Variants in PRELID2 observed in about 807,000 individuals in gnomAD.
The protein encoded by PRELID2 is PRELI domain-containing protein 2.
In PRELID2, 25 loss-of-function variants were observed where a neutral mutation model predicts 28.4. The observed-to-expected ratio is 0.88, with a 90% confidence interval of 0.64 to 1.23. PRELID2 has a LOEUF of 1.23. PRELID2 is among the 50% of genes most tolerant of loss of function. PRELID2 has a pLI of 0.00. For synonymous variants in PRELID2, 76 were observed against 71.6 expected (o/e 1.06, Z -0.31); for missense variants, 201 against 214.4 (o/e 0.94, Z 0.39).
chr5:145,318,630 A>C, the PRELID2 span, among the ~76,000 whole-genome samples: 1 of 152,030 alleles, frequency 6.6e-6, no homozygotes, highest in Non-Finnish European at 1.5e-5. Context: ...CCCTTACAGG[A>C]GGGGGAGCAT....
At chr5:145,615,130 T>C (rs535566709) in intron 1 of PRELID2, among the ~76,000 whole-genome samples, 6 of 152,304 alleles carry the variant, frequency 3.9e-5, no homozygotes, top group African/African-American at 1.4e-4. Context: ...TATTTTTCTG[T>C]TGAACAAGGC....
chr5:145,736,854 A>C (rs1189539785), intron 1 of PRELID2, among the ~76,000 whole-genome samples: 1 of 152,200 alleles, frequency 6.6e-6, no homozygotes, highest in Non-Finnish European at 1.5e-5. Context: ...CATTCCTAGT[A>C]ATCAAATAAG....
At chr5:145,410,896 A>G in the PRELID2 span, among the ~76,000 whole-genome samples, 1 of 152,116 alleles carries the variant, frequency 6.6e-6, no homozygotes, top group Non-Finnish European at 1.5e-5. Context: ...GTCTCATCTG[A>G]GTCAAAGCAA....
chr5:145,774,102 A>G (rs1279571509), intron 5 of PRELID2, among the ~76,000 whole-genome samples: 1 of 152,200 alleles, frequency 6.6e-6, no homozygotes, highest in East Asian at 1.9e-4. Flanking sequence ...CCAAACCTCA[A>G]TATTGAATCT....
At chr5:145,495,818 G>A (rs1453306323) in intron 1 of PRELID2, among the ~76,000 whole-genome samples, 2 of 152,122 alleles carry the variant, frequency 1.3e-5, no homozygotes, top group African/African-American at 2.4e-5. Context: ...AAGGTAGTAC[G>A]TGTTCTTTAA....
At chr5:145,684,617 T>C (rs568902107) in intron 1 of PRELID2, among the ~76,000 whole-genome samples, 1 of 152,342 alleles carries the variant, frequency 6.6e-6, no homozygotes, top group African/African-American at 2.4e-5. Flanking sequence ...GGTTCAGAGA[T>C]GTTTAGTGAC....
the PRELID2 span, among the ~76,000 whole-genome samples, chr5:145,358,068 G>T: frequency 6.6e-6 from 1 of 152,082 alleles, no homozygotes; most frequent in Non-Finnish European, 1.5e-5. Flanking sequence ...CTTTTGTTGG[G>T]TGTTCTGGTT....
chr5:145,628,055 G>A (rs1753876225), intron 1 of PRELID2, among the ~76,000 whole-genome samples: 1 of 152,102 alleles, frequency 6.6e-6, no homozygotes, highest in African/African-American at 2.4e-5. Flanking sequence ...TCCTTTTGAA[G>A]AATTTTGGGA....
chr5:145,469,409 C>A (rs533970329), downstream of PRELID2, among the ~76,000 whole-genome samples: 4 of 152,074 alleles, frequency 2.6e-5, no homozygotes, highest in South Asian at 8.3e-4. Flanking sequence ...TTGTTTCTAC[C>A]ATCAGATCTT....
At chr5:145,740,659 A>C (rs1756659299) in intron 1 of PRELID2, among the ~76,000 whole-genome samples, 1 of 98,080 alleles carries the variant, frequency 1.0e-5, no homozygotes, top group African/African-American at 3.9e-5. Flanking sequence ...TTTATATATA[A>C]ATAAAATAAA....
At chr5:145,256,256 C>T in the PRELID2 span, among the ~76,000 whole-genome samples, 1 of 152,112 alleles carries the variant, frequency 6.6e-6, no homozygotes, top group Non-Finnish European at 1.5e-5. Flanking sequence ...CATCTTATCT[C>T]AGTAACACTG....
At chr5:145,576,288 T>C (rs1017425621) in intron 1 of PRELID2, among the ~76,000 whole-genome samples, 1 of 152,104 alleles carries the variant, frequency 6.6e-6, no homozygotes, top group East Asian at 1.9e-4. Context: ...CCAACCACTC[T>C]AGTCCCTGCT....
intron 1 of PRELID2, among the ~76,000 whole-genome samples, chr5:145,531,443 G>A (rs537539369): frequency 6.6e-6 from 1 of 152,298 alleles, no homozygotes; most frequent in Non-Finnish European, 1.5e-5. Context: ...TCCAAAGGGT[G>A]AAAGTTAAGA....
rs1324982423 is a variant in PRELID2, at chr5:145,656,133, CAACA to C, written n.70+108794_70+108797del. On this transcript the variant is annotated intron_variant and non_coding_transcript_variant, in intron 1 of 2. Transcript: ENST00000510259. ...TATCAAAAGAAGACCTTTATGCAACCAACAGACACATGAAAAAATGCTCGTCATC... is the reference window on the plus strand; with the variant it reads ...TATCAAAAGAAGACCTTTATGCAACCGACACATGAAAAAATGCTCGTCATC... Among the ~76,000 whole-genome samples the C allele has an allele frequency of 2.6e-5, 4 of 152,236 alleles. No homozygotes were observed. The East Asian group carries it at 7.7e-4, about 29-fold the overall frequency.
intron 1 of PRELID2, among the ~76,000 whole-genome samples, chr5:145,701,725 G>C (rs933850677): frequency 3.9e-5 from 6 of 152,166 alleles, no homozygotes; most frequent in African/African-American, 1.4e-4. Flanking sequence ...CACTTGGTAA[G>C]CAGTTTAATA....
At chr5:145,503,980 A>G (rs1384074289) in intron 1 of PRELID2, among the ~76,000 whole-genome samples, 1 of 152,222 alleles carries the variant, frequency 6.6e-6, no homozygotes, top group Non-Finnish European at 1.5e-5. Context: ...CAGGCTCTGT[A>G]GTAAGTTCTT....
At chr5:145,362,126 G>A in the PRELID2 span, among the ~76,000 whole-genome samples, 2 of 152,144 alleles carry the variant, frequency 1.3e-5, no homozygotes, top group Non-Finnish European at 2.9e-5. Flanking sequence ...GTTTAGTGCT[G>A]TGCTTATCTT....
At chr5:145,501,223 C>A (rs762863905) in intron 1 of PRELID2, among the ~76,000 whole-genome samples, 4 of 152,144 alleles carry the variant, frequency 2.6e-5, no homozygotes, top group Non-Finnish European at 5.9e-5. Context: ...ACTAGCTTTT[C>A]TGGTCTTATT....
chr5:145,706,492 G>A (rs1048135421), intron 1 of PRELID2, among the ~76,000 whole-genome samples: 3 of 152,068 alleles, frequency 2.0e-5, no homozygotes, highest in African/African-American at 2.4e-5. Context: ...CTCTAACCAC[G>A]GCCTGAATAT....
Sources: allele counts gnomAD v4.1 joint callset (sites outside exome capture counted in the v4.1 genomes callset), GRCh38; gene constraint gnomAD v4.1.1; transcripts MANE v1.5; gene names NCBI Gene and HGNC (gene_info 2026-07-23, HGNC 2026-07-21).